The following ALDH9A1 variants were observed in gnomAD, a reference collection of about 807,000 sequenced individuals.
ALDH9A1 encodes aldehyde dehydrogenase 9 family member A1, also known as 4-trimethylaminobutyraldehyde dehydrogenase.
In ALDH9A1, 42 loss-of-function variants were observed where a neutral mutation model predicts 56.6. The ratio of observed to expected loss-of-function variants is 0.74; its 90% confidence interval spans 0.58 to 0.96. ALDH9A1 has a LOEUF of 0.96. Ranked by LOEUF, ALDH9A1 falls within the 40% of genes least tolerant of loss-of-function variation. The pLI is 0.00. For missense variants in ALDH9A1, 661 were observed against 651.5 expected, an observed-to-expected ratio of 1.01 and a Z score of -0.16; for synonymous variants, 242 against 236.0, an observed-to-expected ratio of 1.03 and a Z score of -0.23.
At chr1:165,669,562 T>C (rs1461156288) in intron 6 of ALDH9A1, 112 bp from the exon 7 acceptor site, 5 of 954,146 alleles carry the variant, frequency 5.2e-6, no homozygotes, top group Middle Eastern at 6.8e-4. Context: ...CTATACATTT[T>C]TTAAAAGGAT....
chr1:165,669,208 T>C, intron 7 of ALDH9A1, 54 bp downstream of exon 7: 1 of 1,490,288 alleles, frequency 6.7e-7, no homozygotes. Flanking sequence ...AAGCATGTGA[T>C]TTAGGAGTAG....
At chr1:165,681,852 C>T (rs937775753) in intron 4 of ALDH9A1, among the ~76,000 whole-genome samples, 1 of 152,120 alleles carries the variant, frequency 6.6e-6, no homozygotes, top group African/African-American at 2.4e-5. Context: ...AATTAAATTT[C>T]TTTTCATATA....
intron 1 of ALDH9A1, among the ~76,000 whole-genome samples, chr1:165,697,273 G>A (rs1406733310): frequency 6.6e-6 from 1 of 152,174 alleles, no homozygotes; most frequent in Admixed American, 6.5e-5. Flanking sequence ...GTAGACCATG[G>A]TGACTATGGT....
intron 2 of ALDH9A1, among the ~76,000 whole-genome samples, chr1:165,692,553 T>G (rs1055826228): frequency 2.0e-5 from 3 of 151,878 alleles, no homozygotes; most frequent in Middle Eastern, 3.2e-3. Flanking sequence ...CACTGCTCAA[T>G]GAAATAAAAG....
At position 165,680,599 on chromosome 1, in the gene ALDH9A1, G is replaced by C. The variant is rs144479289; in HGVS notation, c.677C>G (p.Pro226Arg). The C allele has an allele frequency of 1.6e-5, 26 of 1,614,164 alleles. No individual in the cohort carries two copies. In the East Asian group the frequency reaches 5.8e-4, roughly 36 times the overall value. The change falls in exon 5 of 11, where the codon CCT (proline) becomes CGT (arginine). Residue 226 changes from proline (P) to arginine (R), a missense_variant. Coordinates refer to ENST00000354775, the MANE Select transcript of ALDH9A1 (RefSeq NM_000696.4). ...CTGCACCACATTGAAGAGCCCAGGA[G>C]GTACACCAGCCTCACTGTAGATTTC... is the stretch of plus-strand genomic sequence containing the variant. ...LAEIYSEAGV[P>R]PGLFNVVQGG...
intron 9 of ALDH9A1, 36 bp downstream of exon 9, chr1:165,667,273 C>G (rs374144694): frequency 1.3e-5 from 21 of 1,612,766 alleles, no homozygotes; most frequent in Middle Eastern, 1.6e-4. Flanking sequence ...CAGCCCCGCT[C>G]CTTCAAAACT....
intron 6 of ALDH9A1, among the ~76,000 whole-genome samples, chr1:165,673,018 TA>T (rs1297277869): frequency 8.8e-6 from 1 of 113,634 alleles, no homozygotes; most frequent in African/African-American, 3.4e-5. Context: ...CACACACGGT[TA>T]AATTGGTAAA....
intron 5 of ALDH9A1, 113 bp downstream of exon 5, chr1:165,680,374 C>T (rs1024497554): frequency 8.7e-5 from 99 of 1,140,088 alleles, no homozygotes; most frequent in Non-Finnish European, 3.9e-5. Flanking sequence ...TTCCCATTCC[C>T]AATTCAGGCT....
intron 5 of ALDH9A1, 103 bp from the exon 6 acceptor site, chr1:165,679,685 ACCTGTAG>A: frequency 8.1e-7 from 1 of 1,229,080 alleles, no homozygotes. Flanking sequence ...ACTGTTTGTG[ACCTGTAG>A]CCTTATTCTT....
chr1:165,687,538 T>C (rs1418859915), intron 2 of ALDH9A1, among the ~76,000 whole-genome samples: 1 of 152,102 alleles, frequency 6.6e-6, no homozygotes, highest in Non-Finnish European at 1.5e-5. Flanking sequence ...AAATTTCTCT[T>C]CTGAAACAAT....
chr1:165,687,793 G>C (rs12037790), intron 2 of ALDH9A1, among the ~76,000 whole-genome samples: 11,364 of 151,760 alleles, frequency 0.075, 1,200 homozygotes, highest in East Asian at 0.58. Context: ...TTTGAGACCA[G>C]CCTGGCCAAC....
intron 9 of ALDH9A1, among the ~76,000 whole-genome samples, chr1:165,666,593 G>A (rs79407963): frequency 0.014 from 2,054 of 152,116 alleles, 41 homozygotes; most frequent in African/African-American, 0.044. Context: ...ATTACATCAG[G>A]TCCTCAAGTG....
At chr1:165,664,200 T>C (rs1234807098) in intron 10 of ALDH9A1, among the ~76,000 whole-genome samples, 1 of 152,172 alleles carries the variant, frequency 6.6e-6, no homozygotes, top group Admixed American at 6.6e-5. Context: ...AGAGTTTATA[T>C]ATTTGCCAAC....
intron 6 of ALDH9A1, chr1:165,676,686 G>A (rs1649370649): frequency 2.3e-6 from 1 of 427,368 alleles, no homozygotes; most frequent in East Asian, 7.3e-5. Flanking sequence ...GGTTTCAGCT[G>A]AAGCACCAGC....
At chr1:165,685,400 T>C (rs887085188) in intron 2 of ALDH9A1, among the ~76,000 whole-genome samples, 1 of 152,204 alleles carries the variant, frequency 6.6e-6, no homozygotes, top group African/African-American at 2.4e-5. Context: ...GAGCATTTTC[T>C]CATTTCTCAA....
chr1:165,684,354 C>T (rs1571178989), intron 2 of ALDH9A1, among the ~76,000 whole-genome samples: 1 of 152,170 alleles, frequency 6.6e-6, no homozygotes, highest in African/African-American at 2.4e-5. Flanking sequence ...AATCTGTTCA[C>T]ATTCAAACCT....
intron 6 of ALDH9A1, among the ~76,000 whole-genome samples, chr1:165,672,568 G>C (rs1487796660): frequency 6.6e-6 from 1 of 152,122 alleles, no homozygotes; most frequent in Non-Finnish European, 1.5e-5. Flanking sequence ...TGATGAAAAA[G>C]TTCTAGAGAT....
chr1:165,693,917 G>A (rs2101758788), intron 2 of ALDH9A1, among the ~76,000 whole-genome samples: 1 of 152,198 alleles, frequency 6.6e-6, no homozygotes, highest in African/African-American at 2.4e-5. Flanking sequence ...CCTTTGCAGG[G>A]ACATGGATGA....
chr1:165,663,216 A>T (rs1648900669), intron 10 of ALDH9A1, 72 bp from the exon 11 acceptor site: 11 of 1,225,860 alleles, frequency 9.0e-6, no homozygotes, highest in Non-Finnish European at 1.3e-5. Flanking sequence ...ATCTTCAAAG[A>T]TGAGCACTGC....
Sources: gnomAD v4.1 joint callset for allele counts (sites outside exome capture counted in the v4.1 genomes callset) on GRCh38, gnomAD v4.1.1 for gene constraint, MANE v1.5 for transcripts, NCBI Gene and HGNC (gene_info 2026-07-23, HGNC 2026-07-21) for gene names.